BMERB1: variants seen among roughly 807,000 people sequenced by gnomAD.
The protein encoded by BMERB1 is bMERB domain-containing protein 1.
BMERB1 carries 12 observed loss-of-function variants against 23.6 expected under a neutral mutation model. That is an observed-to-expected ratio of 0.51 (90% confidence interval 0.33 to 0.82). BMERB1 has a LOEUF of 0.82. BMERB1 is among the 40% of genes least tolerant of loss of function. The pLI is 0.03. For missense variants in BMERB1, 247 were observed against 255.4 expected (o/e 0.97, Z 0.22); for synonymous variants, 122 against 96.6 (o/e 1.26, Z -1.54).
At chr16:15,492,317 C>T (rs956148587) in intron 1 of BMERB1, among the ~76,000 whole-genome samples, 2 of 152,222 alleles carry the variant, frequency 1.3e-5, no homozygotes, top group African/African-American at 2.4e-5. Context: ...TCCCAAACCA[C>T]CAGTTCTAGC....
chr16:15,435,379 C>T (rs970860483), intron 1 of BMERB1, among the ~76,000 whole-genome samples: 8 of 152,190 alleles, frequency 5.3e-5, no homozygotes, highest in Non-Finnish European at 1.2e-4. Context: ...AAGGCAGTTT[C>T]GAAATAGACC....
At chr16:15,492,935 A>C (rs991102455) in intron 1 of BMERB1, among the ~76,000 whole-genome samples, 4 of 151,982 alleles carry the variant, frequency 2.6e-5, no homozygotes, top group African/African-American at 9.7e-5. Flanking sequence ...AAAGAAAAAA[A>C]AGAAGAAAGT....
intron 2 of BMERB1, among the ~76,000 whole-genome samples, chr16:15,537,709 AGT>A (rs1476769362): frequency 6.6e-6 from 1 of 151,664 alleles, no homozygotes; most frequent in Non-Finnish European, 1.5e-5. Flanking sequence ...CCCAGGCTGG[AGT>A]GCAGTGATGA....
intron 2 of BMERB1, among the ~76,000 whole-genome samples, chr16:15,541,135 C>T (rs2052074943): frequency 6.6e-6 from 1 of 152,054 alleles, no homozygotes; most frequent in Non-Finnish European, 1.5e-5. Flanking sequence ...TGGAATGACT[C>T]ACAGAGCTCA....
intron 1 of BMERB1, among the ~76,000 whole-genome samples, chr16:15,485,108 A>G (rs2051356928): frequency 6.6e-6 from 1 of 152,220 alleles, no homozygotes. Flanking sequence ...AATGGAAGTC[A>G]TGGGACTGAG....
intron 1 of BMERB1, among the ~76,000 whole-genome samples, chr16:15,496,261 T>TGA (rs1324625917): frequency 1.3e-5 from 2 of 152,096 alleles, no homozygotes; most frequent in Admixed American, 6.6e-5. Flanking sequence ...ATAGTGATAG[T>TGA]GATTATGGTG....
intron 2 of BMERB1, among the ~76,000 whole-genome samples, chr16:15,533,952 A>T (rs1170378384): frequency 1.3e-5 from 2 of 152,098 alleles, no homozygotes; most frequent in Non-Finnish European, 2.9e-5. Context: ...CAATGTCTGT[A>T]CATTTCCAGG....
intron 1 of BMERB1, among the ~76,000 whole-genome samples, chr16:15,471,888 A>T (rs112340465): frequency 6.6e-6 from 1 of 152,184 alleles, no homozygotes; most frequent in Non-Finnish European, 1.5e-5. Flanking sequence ...CTCTTTCTTC[A>T]TATAAGCATT....
At chr16:15,566,991 G>A (rs1229508322) in intron 2 of BMERB1, among the ~76,000 whole-genome samples, 1 of 151,502 alleles carries the variant, frequency 6.6e-6, no homozygotes, top group Non-Finnish European at 1.5e-5. Context: ...AAGACCAGCC[G>A]GGCAACATAA....
chr16:15,520,778 C>T (rs1024295956), intron 2 of BMERB1, among the ~76,000 whole-genome samples: 2 of 152,182 alleles, frequency 1.3e-5, no homozygotes, highest in South Asian at 2.1e-4. Context: ...TGAGCCACTG[C>T]ACCCGGCCCA....
intron 1 of BMERB1, among the ~76,000 whole-genome samples, chr16:15,514,019 C>G (rs573028669): frequency 9.9e-5 from 15 of 152,088 alleles, no homozygotes; most frequent in African/African-American, 3.4e-4. Context: ...GCTTGTAATC[C>G]CAGCACTTCA....
At chr16:15,573,496 C>T (rs560706838) in intron 3 of BMERB1, among the ~76,000 whole-genome samples, 5 of 151,876 alleles carry the variant, frequency 3.3e-5, no homozygotes, top group African/African-American at 7.3e-5. Flanking sequence ...CACAGGGAGC[C>T]GAAGCTGTCC....
intron 2 of BMERB1, among the ~76,000 whole-genome samples, chr16:15,555,952 G>A (rs1452526290): frequency 2.0e-5 from 3 of 152,166 alleles, no homozygotes; most frequent in African/African-American, 7.2e-5. Context: ...AGCTGAGGCG[G>A]GTGGATCACC....
chr16:15,460,279 A>G (rs1209330637), intron 1 of BMERB1, among the ~76,000 whole-genome samples: 1 of 152,208 alleles, frequency 6.6e-6, no homozygotes, highest in Admixed American at 6.5e-5. Flanking sequence ...TTTCCAAACT[A>G]AAGTTATGGG....
In BMERB1 at chr16:15,569,899, G is replaced by A. The variant is rs555036495; in HGVS notation, c.304+1843G>A. Among the ~76,000 whole-genome samples the A allele has an allele frequency of 5.3e-5, 8 of 152,228 alleles. No homozygotes were observed. In the East Asian group the frequency reaches 5.8e-4, roughly 11 times the overall value. On this transcript the variant is annotated intron_variant, in intron 3 of 5. Coordinates refer to ENST00000300006, the MANE Select transcript of BMERB1 (RefSeq NM_033201.3). ...CTCCTCCCATCCTTCTAACATGGGG[G>A]CCTTTTATTAGCTTTACAAAGGCAG...
Position 15,529,011 on chromosome 16 carries a change from A to G in BMERB1, c.230+13583A>G, listed in dbSNP as rs554947327. On this transcript the variant is annotated intron_variant, in intron 2 of 5. Transcript: ENST00000300006. ...TTTCCAGCCTCTTTTACCATGAAAA[A>G]TAAGTGTTTGTTTGTTTGTTTGTTT... Among the ~76,000 whole-genome samples the G allele has an allele frequency of 1.1e-4, 16 of 146,810 alleles. No homozygotes were observed. In the South Asian group the frequency reaches 3.6e-3, roughly 33 times the overall value.
intron 2 of BMERB1, among the ~76,000 whole-genome samples, chr16:15,521,391 A>G (rs1207630890): frequency 1.3e-5 from 2 of 152,238 alleles, no homozygotes; most frequent in Non-Finnish European, 2.9e-5. Context: ...TAAGGCCCAC[A>G]ACAGTTGGCA....
rs557783802 is a variant in BMERB1 at position 15,562,285 on chromosome 16, G to A, written c.231-5698G>A. Among the ~76,000 whole-genome samples the A allele has an allele frequency of 7.1e-5, 10 of 141,704 alleles. 1 individual carries two copies. The South Asian group carries it at 1.1e-3, about 16-fold the overall frequency. The allele number at this position is 141,704 out of a possible 152,430, so 93.0% of individuals were successfully genotyped here. Reference sequence around the variant, plus strand: ...GCCATTGCACTCCAGCCTAGGCAACGAGAGCAAAACTCTTTTTCAAAAAAA... The same window carrying A: ...GCCATTGCACTCCAGCCTAGGCAACAAGAGCAAAACTCTTTTTCAAAAAAA... On this transcript the variant is annotated intron_variant, in intron 2 of 5. Transcript: ENST00000300006.
chr16:15,468,135 C>CTTTTTTTT (rs749534588), intron 1 of BMERB1, among the ~76,000 whole-genome samples: 2 of 31,020 alleles, frequency 6.4e-5, no homozygotes, highest in African/African-American at 1.7e-4. Flanking sequence ...CTTTCTTCTT[C>CTTTTTTTT]TTTTTTTTTT....
Sources: allele counts gnomAD v4.1 joint callset (sites outside exome capture counted in the v4.1 genomes callset), GRCh38; gene constraint gnomAD v4.1.1; transcripts MANE v1.5; gene names NCBI Gene and HGNC (gene_info 2026-07-23, HGNC 2026-07-21).